The following SNX1 variants were observed in gnomAD, a reference collection of about 807,000 sequenced individuals.
SNX1 encodes the protein sorting nexin 1.
In SNX1, 36 loss-of-function variants were observed where a neutral mutation model predicts 71.8. The ratio of observed to expected loss-of-function variants is 0.50; its 90% CI spans 0.38 to 0.66. SNX1 has a LOEUF of 0.66. Ranked by LOEUF, SNX1 falls within the 30% of genes least tolerant of loss-of-function variation. The probability of loss-of-function intolerance (pLI) is 0.00; values close to 1 mark genes in which losing one functional copy is unlikely to be tolerated. For synonymous variants in SNX1, 254 were observed against 240.7 expected, an observed-to-expected ratio of 1.06 and a Z score of -0.51; for missense variants, 612 against 646.7, an observed-to-expected ratio of 0.95 and a Z score of 0.58.
chr15:64,135,724 A>G (rs1025874611), intron 12 of SNX1, among the ~76,000 whole-genome samples: 4 of 144,442 alleles, frequency 2.8e-5, no homozygotes, highest in African/African-American at 1.0e-4. Flanking sequence ...ACGCCACTGC[A>G]CTCCAGCCTG....
chr15:64,124,759 G>C (rs1431587899), intron 5 of SNX1, among the ~76,000 whole-genome samples: 1 of 152,062 alleles, frequency 6.6e-6, no homozygotes, highest in African/African-American at 2.4e-5. Context: ...AATTCCCGTG[G>C]GTCATAGGTA....
At chr15:64,102,710 A>G (rs900869870) in intron 1 of SNX1, among the ~76,000 whole-genome samples, 19 of 145,856 alleles carry the variant, frequency 1.3e-4, no homozygotes, top group East Asian at 6.1e-4. Flanking sequence ...ACAGGAGTTC[A>G]TTCTTTTTTA....
intron 14 of SNX1, 49 bp from the exon 15 acceptor site, chr15:64,137,519 C>T: frequency 6.2e-7 from 1 of 1,610,128 alleles, no homozygotes; most frequent in Non-Finnish European, 8.5e-7. Context: ...CTGGCTTAGG[C>T]TCTGCCACTA....
intron 10 of SNX1, 102 bp from the exon 11 acceptor site, chr15:64,131,585 T>C (rs760157793): frequency 5.7e-6 from 6 of 1,049,440 alleles, no homozygotes; most frequent in African/African-American, 3.1e-5. Flanking sequence ...TTCCCAGATA[T>C]GCAGTGGGCG....
At chr15:64,099,894 T>G (rs1047038578) in intron 1 of SNX1, among the ~76,000 whole-genome samples, 1 of 152,094 alleles carries the variant, frequency 6.6e-6, no homozygotes, top group Non-Finnish European at 1.5e-5. Flanking sequence ...GTATTTTTAG[T>G]AGAGATGGGG....
intron 1 of SNX1, among the ~76,000 whole-genome samples, chr15:64,103,788 C>T (rs1243718113): frequency 6.6e-6 from 1 of 152,174 alleles, no homozygotes; most frequent in East Asian, 1.9e-4. Flanking sequence ...ATAACACATC[C>T]TCATTAAGTT....
intron 1 of SNX1, among the ~76,000 whole-genome samples, chr15:64,105,708 G>A (rs2081013647): frequency 1.3e-5 from 2 of 152,146 alleles, no homozygotes; most frequent in South Asian, 4.1e-4. Flanking sequence ...AGTTTAGTTG[G>A]GAAATTAAAC....
chr15:64,109,396 T>A (rs181779561), intron 1 of SNX1, among the ~76,000 whole-genome samples: 1 of 152,208 alleles, frequency 6.6e-6, no homozygotes, highest in East Asian at 1.9e-4. Flanking sequence ...CAACTTAGCA[T>A]AGAAAAATAG....
rs986316596 is a variant in SNX1 at position 64,134,014 on chromosome 15, C to A, written c.1222-650C>A. On this transcript the variant is annotated intron_variant, in intron 11 of 14. Transcript: ENST00000559844. The surrounding 1 kb of genome is among the most constrained non-coding windows in gnomAD (Gnocchi z 4.1). ...AGGTGAGTGTGTGGTTGGGAAAAAG[C>A]AATGTGGCCCTATGGTGGTTTTAGG... Among the ~76,000 whole-genome samples, 1 of 152,188 alleles carries A rather than the reference C, an allele frequency of 6.6e-6. No homozygotes were observed. Among genetic ancestry groups the A allele is most frequent in the Non-Finnish European group, 1.5e-5 (1 of 68,030 alleles).
chr15:64,122,969 C>G (rs1463794068), intron 4 of SNX1, among the ~76,000 whole-genome samples: 1 of 152,142 alleles, frequency 6.6e-6, no homozygotes, highest in Admixed American at 6.5e-5. Context: ...GGTGAACATG[C>G]TAGATCAGAG....
In SNX1 at chr15:64,140,983, TGATAGATAGATAG is replaced by T. The variant is rs2081407024; in HGVS notation, c.*3366_*3378del. On this transcript the variant is annotated 3_prime_UTR_variant, in exon 15 of 15. Coordinates refer to ENST00000559844, the MANE Select transcript of SNX1 (RefSeq NM_003099.5). Reference sequence around the variant, plus strand: ...GCTCTCACCATACAGTGCAAAGAGATGATAGATAGATAGATAGATAGATAGATAGATAGATAGA... The same window carrying T: ...GCTCTCACCATACAGTGCAAAGAGATATAGATAGATAGATAGATAGATAGA... 2.0e-5 allele frequency: 3 copies of T among 148,780 alleles called. No individual in the cohort carries two copies. Among genetic ancestry groups the T allele is most frequent in the African/African-American group, 5.0e-5 (2 of 39,648 alleles). The allele number at this position is 148,780 out of a possible 1,614,324, so 9.2% of individuals were successfully genotyped here. A position where few individuals can be genotyped will look rare whatever the true frequency, so the allele number is the denominator to read the frequency against.
At chr15:64,102,422 A>C (rs2080971568) in intron 1 of SNX1, among the ~76,000 whole-genome samples, 1 of 152,178 alleles carries the variant, frequency 6.6e-6, no homozygotes, top group South Asian at 2.1e-4. Context: ...GCTCTTTTGG[A>C]ACATACGATA....
chr15:64,098,085 T>C (rs2080921627), intron 1 of SNX1, among the ~76,000 whole-genome samples: 1 of 152,266 alleles, frequency 6.6e-6, no homozygotes, highest in African/African-American at 2.4e-5. Flanking sequence ...CCCAGGCTTG[T>C]CTTGAACTTC....
chr15:64,118,075 C>G, intron 2 of SNX1, 42 bp from the exon 3 acceptor site: 3 of 1,600,928 alleles, frequency 1.9e-6, no homozygotes, highest in Non-Finnish European at 2.6e-6. Flanking sequence ...CCTTCAAAGA[C>G]TCATTACTGA....
At chr15:64,096,610 A>G (rs1390907821) in intron 1 of SNX1, among the ~76,000 whole-genome samples, 4 of 152,212 alleles carry the variant, frequency 2.6e-5, no homozygotes, top group African/African-American at 7.2e-5. Context: ...TGACCCGCCC[A>G]CCAGTTCTTT....
At chr15:64,123,742 C>G (rs1300849399) in intron 5 of SNX1, among the ~76,000 whole-genome samples, 196 bp downstream of exon 5, 2 of 152,134 alleles carry the variant, frequency 1.3e-5, no homozygotes, top group East Asian at 3.9e-4. Flanking sequence ...AATACTCTTC[C>G]AGAAAGCTAA....
intron 4 of SNX1, among the ~76,000 whole-genome samples, chr15:64,122,995 C>T (rs1244837846): frequency 2.0e-5 from 3 of 152,126 alleles, no homozygotes; most frequent in Non-Finnish European, 4.4e-5. Context: ...AGTGTCCCCC[C>T]CGGCACCAAT....
chr15:64,114,675 G>A (rs186565830), intron 2 of SNX1, among the ~76,000 whole-genome samples: 1 of 152,172 alleles, frequency 6.6e-6, no homozygotes, highest in African/African-American at 2.4e-5. Context: ...AAGGGTGGAG[G>A]GTAAGATCTT....
intron 2 of SNX1, among the ~76,000 whole-genome samples, chr15:64,113,241 T>C (rs1169708885): frequency 2.0e-5 from 3 of 152,212 alleles, no homozygotes; most frequent in African/African-American, 4.8e-5. Flanking sequence ...AACACTAGTA[T>C]AGGACAGTTT....
Sources: gnomAD v4.1 joint callset for allele counts (sites outside exome capture counted in the v4.1 genomes callset) on GRCh38, gnomAD v4.1.1 for gene constraint, Gnocchi (gnomAD v3.1) non-coding constraint, MANE v1.5 for transcripts, NCBI Gene and HGNC (gene_info 2026-07-23, HGNC 2026-07-21) for gene names.